BPTF: variants seen among roughly 807,000 people sequenced by gnomAD.
BPTF encodes the protein bromodomain PHD finger transcription factor.
A neutral mutation model predicts 292.5 loss-of-function variants in BPTF; 18 were observed. The ratio of observed to expected loss-of-function variants is 0.06; its 90% CI spans 0.04 to 0.09. The LOEUF is 0.09. Ranked by LOEUF, BPTF falls within the 10% of genes least tolerant of loss-of-function variation. The pLI, the probability that BPTF is intolerant of heterozygous loss-of-function variation, is 1.00. For missense variants in BPTF, 2,726 were observed against 3,498.7 expected (o/e 0.78, Z 5.57); for synonymous variants, 1,225 against 1,251.9 (o/e 0.98, Z 0.45).
chr17:67,949,294 A>G (rs6504558), intron 23 of BPTF, among the ~76,000 whole-genome samples: 142,144 of 152,228 alleles, frequency 0.93, 67,166 homozygotes, highest in East Asian at 1. Context: ...GAACCCGGAA[A>G]GCAGAGGTTG....
intron 1 of BPTF, among the ~76,000 whole-genome samples, chr17:67,851,338 A>C (rs1373124256): frequency 6.6e-6 from 1 of 151,230 alleles, no homozygotes; most frequent in Non-Finnish European, 1.5e-5. Context: ...TCTCTGAAAC[A>C]GTGCTGGATG....
chr17:67,896,026 T>G (rs996980843), intron 7 of BPTF, among the ~76,000 whole-genome samples: 71 of 150,286 alleles, frequency 4.7e-4, no homozygotes, highest in Admixed American at 2.4e-3. Context: ...TGCAGTGGCG[T>G]GATCTCGGCT....
At chr17:67,926,833 C>T (rs1265696752) in intron 15 of BPTF, among the ~76,000 whole-genome samples, 4 of 151,266 alleles carry the variant, frequency 2.6e-5, no homozygotes, top group Non-Finnish European at 5.9e-5. Context: ...GAATTCCTGG[C>T]TTAAGGTGAT....
At chr17:67,957,350 A>C (rs2148241458) in intron 23 of BPTF, 1 of 152,318 alleles carries the variant, frequency 6.6e-6, no homozygotes, top group East Asian at 1.9e-4. Flanking sequence ...GAGACTATAA[A>C]TCATGATGAA....
At position 67,982,236 on chromosome 17, in the gene BPTF, T is replaced by C; in HGVS notation, c.8727-16T>C. ...TGAAGGGTGCTTAATTGTTCCCTTT[T>C]TTCTATATTCTGTAGGTCTCATAAC... On this transcript the variant is annotated splice_polypyrimidine_tract_variant and intron_variant, in intron 27 of 27. Transcript: ENST00000306378. 1 of 1,608,442 alleles carries C rather than the reference T, an allele frequency of 6.2e-7. No homozygotes were observed.
intron 21 of BPTF, among the ~76,000 whole-genome samples, chr17:67,946,821 A>G (rs963580662): frequency 3.3e-5 from 5 of 152,276 alleles, no homozygotes; most frequent in African/African-American, 9.6e-5. Context: ...TCATCCAGCA[A>G]CATCTTGCAA....
At chr17:67,962,620 G>A (rs1256674053) in intron 24 of BPTF, among the ~76,000 whole-genome samples, 1 of 152,202 alleles carries the variant, frequency 6.6e-6, no homozygotes, top group South Asian at 2.1e-4. Context: ...TAGTTAGCCA[G>A]GCCACTGCCC....
chr17:67,928,044 C>T lies in BPTF; in HGVS notation c.5752-311C>T, dbSNP rs962990167. Among the ~76,000 whole-genome samples, 6 of 152,156 alleles carry T rather than the reference C, an allele frequency of 3.9e-5. No individual in the cohort carries two copies. The East Asian group carries it at 5.8e-4, about 15-fold the overall frequency. The stretch of plus-strand genomic sequence containing the variant: ...AATTACAGGCATGAGCCAGAATGCT[C>T]AGCTCATTTTTGTATTTTTAGTAGA... On this transcript the variant is annotated intron_variant, in intron 15 of 27. Transcript: ENST00000306378.
intron 23 of BPTF, among the ~76,000 whole-genome samples, chr17:67,954,099 G>A (rs1191310010): frequency 9.8e-6 from 1 of 101,738 alleles, no homozygotes; most frequent in African/African-American, 3.1e-5. Context: ...CAGTCCTTCC[G>A]CCTCAGCCTC....
At chr17:67,888,651 C>T (rs918300039) in intron 4 of BPTF, among the ~76,000 whole-genome samples, 3 of 150,252 alleles carry the variant, frequency 2.0e-5, no homozygotes, top group Non-Finnish European at 4.4e-5. Context: ...TTATCTTGAT[C>T]TCACAATCCA....
rs71142116 is a variant in BPTF, at chr17:67,967,140, CT to C, written c.8539+493del. ...ATAAAATAAAGTTTAATTGTGCATA[CT>C]TTTTTTTTCTTTTTTTAATGAGACG... On this transcript the variant is annotated intron_variant, in intron 26 of 27. Coordinates refer to ENST00000306378, the MANE Select transcript of BPTF (RefSeq NM_182641.4). Among the ~76,000 whole-genome samples the C allele has an allele frequency of 7.5e-4, 112 of 148,766 alleles. 1 individual carries two copies. The highest frequency in any genetic ancestry group is 2.6e-3 in the African/African-American group (106 of 40,382).
intron 27 of BPTF, 136 bp downstream of exon 27, chr17:67,976,094 A>G: frequency 3.0e-6 from 2 of 659,008 alleles, no homozygotes; most frequent in Non-Finnish European, 4.6e-6. Flanking sequence ...AAATAAATCA[A>G]GACTCCAGGG....
In BPTF at chr17:67,912,807, C is replaced by A; in HGVS notation, c.4923C>A (p.Gly1641=). 1 of 1,614,126 alleles carries A rather than the reference C, an allele frequency of 6.2e-7. No homozygotes were observed. The highest frequency in any genetic ancestry group is 1.1e-5 in the South Asian group (1 of 91,080). Residue 1641 remains glycine, a synonymous_variant, in exon 11 of 28, where the codon GGC becomes GGA. Coordinates refer to ENST00000306378, the MANE Select transcript of BPTF (RefSeq NM_182641.4). The stretch of plus-strand genomic sequence containing the variant: ...CCAAGCTTTCCACACCCTCCACAGG[C>A]GGCAGTGTGGACATCATCTCTGTAA... ...TVTKLSTPST[G]GSVDIISVKE... is the part of the protein sequence containing the mutation.
chr17:67,975,530 T>G, intron 26 of BPTF: 1 of 410,924 alleles, frequency 2.4e-6, no homozygotes, highest in African/African-American at 2.0e-5. Context: ...TTCTGTGCAG[T>G]TACCTGAAAG....
chr17:67,936,484 C>G (rs886628973), intron 18 of BPTF: 4 of 152,240 alleles, frequency 2.6e-5, no homozygotes, highest in Admixed American at 2.6e-4. Context: ...ATACACAGAG[C>G]CTTTGTTGCA....
At chr17:67,967,100 AAAAT>A (rs1328422140) in intron 26 of BPTF, among the ~76,000 whole-genome samples, 7 of 150,230 alleles carry the variant, frequency 4.7e-5, no homozygotes, top group African/African-American at 7.3e-5. Flanking sequence ...CTGTCTCAAA[AAAAT>A]AAATAAATAA....
rs2067317084 is a variant in BPTF, at chr17:67,959,967, T to C, written c.8261+92T>C. On this transcript the variant is annotated intron_variant, in intron 24 of 27. Transcript: ENST00000306378. ...GAAAATGAATATTTTGGGAGTGATA[T>C]AAATGAAAATATTAAATTTAAGAGT... 6.3e-6 allele frequency: 6 copies of C among 956,806 alleles called. No individual in the cohort carries two copies. In the South Asian group the frequency reaches 9.5e-5, roughly 15 times the overall value. 59.3% of individuals were successfully genotyped at this position (956,806 alleles called of 1,614,324 possible).
intron 15 of BPTF, among the ~76,000 whole-genome samples, chr17:67,924,802 A>C (rs1056569412): frequency 1.3e-5 from 2 of 152,054 alleles, no homozygotes; most frequent in African/African-American, 4.8e-5. Context: ...GTGTCTTACT[A>C]TCACCCAGGC....
chr17:67,851,883 C>T (rs2058430592), intron 1 of BPTF, among the ~76,000 whole-genome samples: 1 of 148,764 alleles, frequency 6.7e-6, no homozygotes, highest in Admixed American at 6.7e-5. Flanking sequence ...TGTGGTTTTA[C>T]TTTGCCTTTC....
Sources: gnomAD v4.1 joint callset for allele counts (sites outside exome capture counted in the v4.1 genomes callset) on GRCh38, gnomAD v4.1.1 for gene constraint, MANE v1.5 for transcripts, NCBI Gene and HGNC (gene_info 2026-07-23, HGNC 2026-07-21) for gene names.